Variants in PALLD observed in about 807,000 individuals in gnomAD.
PALLD encodes palladin, cytoskeletal associated protein.
A neutral mutation model predicts 123.5 loss-of-function variants in PALLD; 61 were observed. The ratio of observed to expected loss-of-function variants is 0.49; its 90% CI spans 0.40 to 0.61. The LOEUF (loss-of-function observed/expected upper bound fraction) is 0.61, where lower values mean the gene tolerates loss of function less well. Ranked by LOEUF, PALLD falls within the 20% of genes least tolerant of loss-of-function variation. PALLD has a pLI of 0.00. For missense variants in PALLD, 1,273 were observed against 1,377.0 expected (o/e 0.92, Z 1.20); for synonymous variants, 465 against 496.4 (o/e 0.94, Z 0.84).
rs1389047255 is a variant in PALLD, at chr4:168,894,634, C to T, written c.2156C>T (p.Thr719Ile). 3.1e-6 allele frequency: 5 copies of T among 1,613,760 alleles called. No individual in the cohort carries two copies. Among genetic ancestry groups the T allele is most frequent in the Non-Finnish European group, 4.2e-6 (5 of 1,179,798 alleles). The part of the protein sequence containing the change: ...ARRLLGADSA[T>I]VFNIQEPEEE... ...CGACTGCTAGGTGCTGACAGTGCAA[C>T]TGTCTTTAATATTCAGGAGCCAGAA... is the stretch of plus-strand genomic sequence containing the variant. Residue 719 changes from threonine (T) to isoleucine (I), a missense_variant, in exon 12 of 22, where the codon ACT (threonine) becomes ATT (isoleucine). Coordinates refer to ENST00000505667, the MANE Select transcript of PALLD (RefSeq NM_001166108.2).
chr4:168,628,385 A>G (rs139264112), intron 2 of PALLD, among the ~76,000 whole-genome samples: 20 of 152,260 alleles, frequency 1.3e-4, no homozygotes, highest in African/African-American at 3.4e-4. Flanking sequence ...GTCCTGAAAT[A>G]CTTACACTGG....
chr4:168,861,970 A>G (rs1272368756), intron 10 of PALLD, among the ~76,000 whole-genome samples: 1 of 152,032 alleles, frequency 6.6e-6, no homozygotes, highest in East Asian at 1.9e-4. Flanking sequence ...GAAGACTGAT[A>G]TTAGTTAACT....
intron 10 of PALLD, among the ~76,000 whole-genome samples, chr4:168,812,228 G>A (rs1020211108): frequency 2.0e-5 from 3 of 152,192 alleles, no homozygotes; most frequent in African/African-American, 7.2e-5. Flanking sequence ...GTGGCCTGGA[G>A]CCAATTAGGA....
chr4:168,636,501 A>G (rs1011118978), intron 2 of PALLD, among the ~76,000 whole-genome samples: 1 of 152,160 alleles, frequency 6.6e-6, no homozygotes, highest in Non-Finnish European at 1.5e-5. Context: ...TAAACAAAAA[A>G]ACCCAGAACT....
chr4:168,816,964 G>A (rs565297618), intron 10 of PALLD, among the ~76,000 whole-genome samples: 17 of 152,038 alleles, frequency 1.1e-4, no homozygotes, highest in African/African-American at 3.6e-4. Flanking sequence ...CAGTTCCAGC[G>A]ACCAAATAAG....
intron 10 of PALLD, among the ~76,000 whole-genome samples, chr4:168,807,948 C>G (rs1311329707): frequency 1.3e-5 from 2 of 151,890 alleles, no homozygotes; most frequent in African/African-American, 4.8e-5. Context: ...TCAGGTGATC[C>G]ATCAGCATCA....
chr4:168,585,263 G>A (rs1338855990), intron 2 of PALLD, among the ~76,000 whole-genome samples: 1 of 151,384 alleles, frequency 6.6e-6, no homozygotes, highest in Non-Finnish European at 1.5e-5. Context: ...ATCCTTATGA[G>A]TAGTGTGTGT....
chr4:168,660,057 C>T (rs1348484343), intron 2 of PALLD, among the ~76,000 whole-genome samples: 1 of 152,126 alleles, frequency 6.6e-6, no homozygotes, highest in Non-Finnish European at 1.5e-5. Flanking sequence ...CACCCATGAC[C>T]CTATCTTGGA....
chr4:168,812,093 G>A (rs1741248433), intron 10 of PALLD, among the ~76,000 whole-genome samples: 1 of 152,108 alleles, frequency 6.6e-6, no homozygotes, highest in East Asian at 1.9e-4. Flanking sequence ...GAGAACATGA[G>A]GTGAGAGTGG....
At chr4:168,893,262 G>T (rs374244415) in intron 11 of PALLD, among the ~76,000 whole-genome samples, 6 of 152,168 alleles carry the variant, frequency 3.9e-5, no homozygotes, top group African/African-American at 1.4e-4. Flanking sequence ...TGAATTCACT[G>T]ATTTTTTAAT....
At chr4:168,690,787 C>G in intron 7 of PALLD, 43 bp downstream of exon 7, 2 of 1,602,624 alleles carry the variant, frequency 1.2e-6, no homozygotes, top group Middle Eastern at 3.3e-4. Flanking sequence ...CCATTTTATT[C>G]TCTCCAGCTT....
At chr4:168,918,565 G>A (rs1307936502) in intron 17 of PALLD, among the ~76,000 whole-genome samples, 2 of 152,104 alleles carry the variant, frequency 1.3e-5, no homozygotes, top group East Asian at 1.9e-4. Flanking sequence ...GTTAGTCAAA[G>A]CATATAAAAT....
chr4:168,581,210 C>T (rs189085606), intron 2 of PALLD, among the ~76,000 whole-genome samples: 148 of 152,020 alleles, frequency 9.7e-4, no homozygotes, highest in Non-Finnish European at 1.9e-3. Context: ...CTACCATGAA[C>T]GTGGGAGTGC....
chr4:168,660,499 G>A (rs1305453980), intron 2 of PALLD, among the ~76,000 whole-genome samples: 3 of 152,136 alleles, frequency 2.0e-5, no homozygotes, highest in African/African-American at 7.2e-5. Context: ...GTGCGATAAT[G>A]TGATCCTTGA....
At chr4:168,633,704 A>G (rs1459428361) in intron 2 of PALLD, among the ~76,000 whole-genome samples, 15 of 152,330 alleles carry the variant, frequency 9.8e-5, no homozygotes, top group Non-Finnish European at 2.2e-4. Flanking sequence ...TTTTAGACAC[A>G]TCCCTCTTGT....
intron 2 of PALLD, among the ~76,000 whole-genome samples, chr4:168,664,954 T>C (rs975022048): frequency 6.6e-6 from 1 of 152,176 alleles, no homozygotes; most frequent in Non-Finnish European, 1.5e-5. Flanking sequence ...AGGAAAGTCA[T>C]TGAGCCTTCC....
intron 11 of PALLD, among the ~76,000 whole-genome samples, chr4:168,892,534 TGTTA>T (rs1044941096): frequency 2.6e-5 from 4 of 152,180 alleles, no homozygotes; most frequent in Non-Finnish European, 4.4e-5. Context: ...TGAAGTTTTG[TGTTA>T]GTTACTCATT....
chr4:168,512,158 A>T lies in PALLD; in HGVS notation c.654A>T (p.Ser218=). ...AGCCGTCAGCCCTGCTGAGTGCCTC[A>T]GCCAGCCAGAGCCCTATGGAAGACC... ...KNQPSALLSA[S]ASQSPMEDQG... The change falls in exon 2 of 22, where the codon TCA becomes TCT. Residue 218 remains serine, a synonymous_variant. Coordinates refer to ENST00000505667, the MANE Select transcript of PALLD (RefSeq NM_001166108.2). 1 of 1,614,184 alleles carries T rather than the reference A, an allele frequency of 6.2e-7. No homozygotes were observed. Among genetic ancestry groups the T allele is most frequent in the Non-Finnish European group, 8.5e-7 (1 of 1,180,020 alleles).
At chr4:168,872,545 T>C (rs1193043034) in intron 10 of PALLD, among the ~76,000 whole-genome samples, 1 of 152,264 alleles carries the variant, frequency 6.6e-6, no homozygotes, top group African/African-American at 2.4e-5. Flanking sequence ...TTGTTTATGG[T>C]ACTTTGTAGA....
Sources: gnomAD v4.1 joint callset for allele counts (sites outside exome capture counted in the v4.1 genomes callset) on GRCh38, gnomAD v4.1.1 for gene constraint, MANE v1.5 for transcripts, NCBI Gene and HGNC (gene_info 2026-07-23, HGNC 2026-07-21) for gene names.